Variants in ZDHHC14 observed in about 807,000 individuals in gnomAD.
The protein encoded by ZDHHC14 is zDHHC palmitoyltransferase 14, also known as palmitoyltransferase ZDHHC14.
ZDHHC14 carries 16 observed loss-of-function variants against 47.7 expected under a neutral mutation model. The ratio of observed to expected loss-of-function variants is 0.34; its 90% CI spans 0.23 to 0.51. The LOEUF is 0.51. Ranked by LOEUF, ZDHHC14 falls within the 20% of genes least tolerant of loss-of-function variation. The pLI is 0.97. For synonymous variants in ZDHHC14, 293 were observed against 278.9 expected (o/e 1.05, Z -0.50); for missense variants, 515 against 662.5 (o/e 0.78, Z 2.44).
intron 8 of ZDHHC14, among the ~76,000 whole-genome samples, chr6:157,667,201 T>C (rs1778589307): frequency 6.6e-6 from 1 of 152,364 alleles, no homozygotes; most frequent in South Asian, 2.1e-4. Context: ...AGATGGACTA[T>C]CACTGTCAGA....
At chr6:157,416,972 G>GTTTTTTGTT (rs1777988836) in intron 1 of ZDHHC14, among the ~76,000 whole-genome samples, 20 of 45,548 alleles carry the variant, frequency 4.4e-4, no homozygotes, top group Admixed American at 7.5e-4. Context: ...TGCCTGGCTA[G>GTTTTTTGTT]TTTTTTTTTT....
chr6:157,392,476 A>C (rs144417800), intron 1 of ZDHHC14, among the ~76,000 whole-genome samples: 1 of 152,012 alleles, frequency 6.6e-6, no homozygotes, highest in Non-Finnish European at 1.5e-5. Context: ...CTTAGACCGT[A>C]TTCTTCCTCT....
intron 5 of ZDHHC14, among the ~76,000 whole-genome samples, chr6:157,637,748 C>G (rs1310537184): frequency 6.6e-6 from 1 of 152,152 alleles, no homozygotes; most frequent in African/African-American, 2.4e-5. Flanking sequence ...TATCTAATTT[C>G]CTGACCATGC....
At chr6:157,405,326 G>C (rs1418393339) in intron 1 of ZDHHC14, among the ~76,000 whole-genome samples, 1 of 152,078 alleles carries the variant, frequency 6.6e-6, no homozygotes, top group African/African-American at 2.4e-5. Flanking sequence ...TCCGCCTCCT[G>C]GGTTCACACT....
chr6:157,477,667 G>A (rs1387541691), intron 1 of ZDHHC14, among the ~76,000 whole-genome samples: 3 of 152,012 alleles, frequency 2.0e-5, no homozygotes, highest in Non-Finnish European at 2.9e-5. Context: ...TCCTTATTAA[G>A]CAGACACTGA....
intron 1 of ZDHHC14, among the ~76,000 whole-genome samples, chr6:157,510,440 G>GCCGT (rs989121613): frequency 3.9e-5 from 6 of 152,052 alleles, no homozygotes; most frequent in Non-Finnish European, 7.4e-5. Flanking sequence ...GCTCCATGAA[G>GCCGT]CCGTCCTGGT....
Position 157,612,499 on chromosome 6 carries a change from G to T in ZDHHC14, c.566-15850G>T, listed in dbSNP as rs1372966878. ...TGTTAATTCCTGCTCATCTTTCAGG[G>T]AGATGTTCAGGCGTGGGCTCCTCAG... is the stretch of plus-strand genomic sequence containing the variant. On this transcript the variant is annotated intron_variant, in intron 3 of 8. Transcript: ENST00000359775. 2.0e-5 allele frequency among the ~76,000 whole-genome samples: 3 copies of T among 152,214 alleles called. No individual in the cohort carries two copies. In the South Asian group the frequency reaches 6.2e-4, roughly 32 times the overall value.
At chr6:157,591,267 G>A (rs549919743) in intron 2 of ZDHHC14, among the ~76,000 whole-genome samples, 111 of 152,242 alleles carry the variant, frequency 7.3e-4, no homozygotes, top group African/African-American at 2.3e-3. Flanking sequence ...AGGGGCCAGG[G>A]GCAGAATGAT....
intron 8 of ZDHHC14, among the ~76,000 whole-genome samples, chr6:157,669,986 G>A (rs138309275): frequency 2.0e-5 from 3 of 152,368 alleles, no homozygotes; most frequent in Non-Finnish European, 2.9e-5. Context: ...TCCAGAAGAC[G>A]AATGTTTAAT....
chr6:157,592,924 C>G, intron 2 of ZDHHC14, 64 bp from the exon 3 acceptor site: 2 of 1,526,244 alleles, frequency 1.3e-6, no homozygotes, highest in Non-Finnish European at 1.8e-6. Flanking sequence ...TCCAGGCGGA[C>G]GGGTCCCGCC....
At chr6:157,443,080 C>T (rs1778592053) in intron 1 of ZDHHC14, among the ~76,000 whole-genome samples, 1 of 152,072 alleles carries the variant, frequency 6.6e-6, no homozygotes, top group African/African-American at 2.4e-5. Context: ...GGGGAGGGAC[C>T]TCGTGGGAGG....
chr6:157,502,176 C>A lies in ZDHHC14; in HGVS notation c.246-40409C>A, dbSNP rs1780207954. Among the ~76,000 whole-genome samples the A allele has an allele frequency of 6.6e-6, 1 of 152,180 alleles. No individual in the cohort carries two copies. Among genetic ancestry groups the A allele is most frequent in the Admixed American group, 6.5e-5 (1 of 15,278 alleles). ...TAACCAGCAGGACCAGTGGTCACAT[C>A]TGGTGGAAAGGAGGCTGCAAAGTAC... On this transcript the variant is annotated intron_variant, in intron 1 of 8. Coordinates refer to ENST00000359775, the MANE Select transcript of ZDHHC14 (RefSeq NM_024630.3). The surrounding 1 kb of genome is among the most constrained non-coding windows in gnomAD (Gnocchi z 4.0).
chr6:157,653,463 T>A (rs1405220181), intron 7 of ZDHHC14, 62 bp from the exon 8 acceptor site: 1 of 1,574,176 alleles, frequency 6.4e-7, no homozygotes, highest in Non-Finnish European at 8.7e-7. Flanking sequence ...CCTGAGATAG[T>A]GCTGCTGCAT....
At chr6:157,476,945 A>T (rs1779499715) in intron 1 of ZDHHC14, among the ~76,000 whole-genome samples, 2 of 152,236 alleles carry the variant, frequency 1.3e-5, no homozygotes, top group Admixed American at 1.3e-4. Context: ...CTGACATCAT[A>T]CTCAGTGGAG....
At chr6:157,644,564 C>A (rs1777427548) in intron 5 of ZDHHC14, among the ~76,000 whole-genome samples, 1 of 152,212 alleles carries the variant, frequency 6.6e-6, no homozygotes, top group Admixed American at 6.5e-5. Flanking sequence ...GCCTTGTATG[C>A]CCAGATGGTG....
intron 2 of ZDHHC14, among the ~76,000 whole-genome samples, chr6:157,555,011 A>G (rs894287217): frequency 6.6e-6 from 1 of 152,106 alleles, no homozygotes; most frequent in African/African-American, 2.4e-5. Context: ...TCTCTCCTCT[A>G]TACAGTTCTC....
At chr6:157,424,265 T>C (rs752867862) in intron 1 of ZDHHC14, among the ~76,000 whole-genome samples, 7 of 152,000 alleles carry the variant, frequency 4.6e-5, no homozygotes, top group Admixed American at 2.0e-4. Flanking sequence ...ATTGCTGTGA[T>C]AAAATGGTAT....
chr6:157,573,644 C>G (rs1181032556), intron 2 of ZDHHC14, among the ~76,000 whole-genome samples: 1 of 152,238 alleles, frequency 6.6e-6, no homozygotes, highest in African/African-American at 2.4e-5. Context: ...GCTTTGGTCT[C>G]TCACAGTGCT....
intron 1 of ZDHHC14, among the ~76,000 whole-genome samples, chr6:157,489,659 G>A (rs979684868): frequency 6.6e-6 from 1 of 152,208 alleles, no homozygotes; most frequent in Non-Finnish European, 1.5e-5. Flanking sequence ...CAGGCACACC[G>A]TGTGGCAGAT....
Sources: allele counts gnomAD v4.1 joint callset (sites outside exome capture counted in the v4.1 genomes callset), GRCh38; gene constraint gnomAD v4.1.1; non-coding constraint Gnocchi (gnomAD v3.1); transcripts MANE v1.5; gene names NCBI Gene and HGNC (gene_info 2026-07-23, HGNC 2026-07-21).